Variants in ZNF831 observed in about 807,000 individuals in gnomAD.
The protein encoded by ZNF831 is zinc finger protein 831.
Under a neutral mutation model 95.8 loss-of-function variants are expected in ZNF831, and 59 were observed. The ratio of observed to expected loss-of-function variants is 0.62; its 90% CI spans 0.50 to 0.77. The LOEUF (loss-of-function observed/expected upper bound fraction) is 0.77, where lower values mean the gene tolerates loss of function less well. ZNF831 is among the 30% of genes least tolerant of loss of function. ZNF831 has a pLI of 0.00. For synonymous variants in ZNF831, 961 were observed against 925.5 expected, an observed-to-expected ratio of 1.04 and a Z score of -0.70; for missense variants, 2,205 against 2,164.0, an observed-to-expected ratio of 1.02 and a Z score of -0.38.
At chr20:59,168,803 T>C (rs907400429) in intron 1 of ZNF831, among the ~76,000 whole-genome samples, 15 of 152,224 alleles carry the variant, frequency 9.9e-5, no homozygotes, top group Non-Finnish European at 1.9e-4. Context: ...TGAATGGGTG[T>C]TGAATTTTGT....
intron 4 of ZNF831, among the ~76,000 whole-genome samples, chr20:59,218,804 C>T (rs922640034): frequency 8.6e-5 from 13 of 151,780 alleles, no homozygotes; most frequent in Admixed American, 2.0e-4. Flanking sequence ...CCTGTGGTCA[C>T]GAGTTCAAGA....
At chr20:59,207,116 T>C in intron 4 of ZNF831, 60 bp downstream of exon 4, 1 of 1,582,402 alleles carries the variant, frequency 6.3e-7, no homozygotes, top group Non-Finnish European at 8.6e-7. Flanking sequence ...GCCCAAGGCA[T>C]AGACACTGGG....
chr20:59,140,403 G>A (rs1979641453), intron 1 of ZNF831, among the ~76,000 whole-genome samples: 1 of 152,164 alleles, frequency 6.6e-6, no homozygotes, highest in South Asian at 2.1e-4. Flanking sequence ...TCCTGGTTGA[G>A]ACTGGGCCCT....
chr20:59,139,690 T>C (rs1196266711), intron 1 of ZNF831, among the ~76,000 whole-genome samples: 1 of 152,204 alleles, frequency 6.6e-6, no homozygotes, highest in Non-Finnish European at 1.5e-5. Flanking sequence ...CAAATATGTT[T>C]AGTGACATTG....
In ZNF831 at chr20:59,192,826, G is replaced by A. The variant is rs1983719942; in HGVS notation, c.1807G>A (p.Gly603Ser). 2.5e-6 allele frequency: 4 copies of A among 1,609,420 alleles called. No homozygotes were observed. ...GGCCATGGCCGGCAAGGGCAGAGCGGGCGGCAGGAAGTGCGGCCAGAGAAG... is the reference window on the plus strand; with the variant it reads ...GGCCATGGCCGGCAAGGGCAGAGCGAGCGGCAGGAAGTGCGGCCAGAGAAG... ...REAMAGKGRA[G>S]GRKCGQRRLK... The change falls in exon 2 of 6, where the codon GGC (glycine) becomes AGC (serine). Residue 603 changes from glycine to serine, a missense_variant. Transcript: ENST00000371030. This position sits in a 1 kb window ranked among gnomAD's most constrained non-coding sequence, Gnocchi z 5.2.
intron 1 of ZNF831, among the ~76,000 whole-genome samples, chr20:59,142,734 G>A (rs1427042789): frequency 6.6e-6 from 1 of 152,178 alleles, no homozygotes; most frequent in Non-Finnish European, 1.5e-5. Context: ...TTTCATTATG[G>A]TTTTTGACAG....
At chr20:59,135,502 C>T (rs556756703) in intron 1 of ZNF831, among the ~76,000 whole-genome samples, 26 of 152,248 alleles carry the variant, frequency 1.7e-4, no homozygotes, top group East Asian at 5.8e-4. Flanking sequence ...GAGGCCGAGG[C>T]GGGCAGATCA....
intron 4 of ZNF831, among the ~76,000 whole-genome samples, chr20:59,214,591 G>T (rs1247695021): frequency 2.0e-5 from 3 of 152,178 alleles, no homozygotes; most frequent in Non-Finnish European, 4.4e-5. Context: ...TATTTTCCCA[G>T]TTAGAGTCTC....
At chr20:59,160,364 G>A (rs1329703090), upstream of ZNF831, 1 of 152,330 alleles carries the variant, frequency 6.6e-6, no homozygotes, top group African/African-American at 2.4e-5. Flanking sequence ...AGGATGTGGC[G>A]AGGGGCCGTG....
chr20:59,231,329 A>G (rs1375672043), intron 4 of ZNF831, among the ~76,000 whole-genome samples: 1 of 152,214 alleles, frequency 6.6e-6, no homozygotes, highest in Non-Finnish European at 1.5e-5. Flanking sequence ...AGATCTAGAT[A>G]AGGTGAAAGT....
rs540930951 is a variant in ZNF831 at position 59,153,860 on chromosome 20, T to C, written c.-1280-5792T>C. ...TTGGAGCTGGGCTAAGAAAGAGAAATTTTCATCTACTCCTTCAAGGAGCAC... is the reference window on the plus strand; with the variant it reads ...TTGGAGCTGGGCTAAGAAAGAGAAACTTTCATCTACTCCTTCAAGGAGCAC... On this transcript the variant is annotated intron_variant, in intron 2 of 7. Coordinates refer to the ZNF831 transcript ENST00000637017. Among the ~76,000 whole-genome samples, 207 of 152,274 alleles carry C rather than the reference T, an allele frequency of 1.4e-3. 1 individual carries two copies. Among genetic ancestry groups the C allele is most frequent in the Non-Finnish European group, 2.3e-3 (157 of 68,024 alleles).
chr20:59,257,855 A>G lies in ZNF831; in HGVS notation c.*3112A>G, dbSNP rs1345277700. 2 of 152,172 alleles carry G rather than the reference A, an allele frequency of 1.3e-5. No individual in the cohort carries two copies. Among genetic ancestry groups the G allele is most frequent in the African/African-American group, 4.8e-5 (2 of 41,444 alleles). The allele number at this position is 152,172 out of a possible 1,614,324, so 9.4% of individuals were successfully genotyped here. A position where few individuals can be genotyped will look rare whatever the true frequency, so the allele number is the denominator to read the frequency against. On this transcript the variant is annotated 3_prime_UTR_variant, in exon 6 of 6. Transcript: ENST00000371030. ...TGAATTTTTTTTTGCCAATATCAAA[A>G]GTGACATTTCCCCATGATGTTCAAG... is the stretch of plus-strand genomic sequence containing the variant.
intron 4 of ZNF831, among the ~76,000 whole-genome samples, chr20:59,219,058 C>A (rs1453239662): frequency 1.3e-5 from 2 of 152,050 alleles, no homozygotes; most frequent in Non-Finnish European, 2.9e-5. Context: ...AGATGGTTCC[C>A]CCTAAAGAAG....
chr20:59,226,109 G>T (rs1986414026), intron 4 of ZNF831, among the ~76,000 whole-genome samples: 1 of 152,158 alleles, frequency 6.6e-6, no homozygotes, highest in Non-Finnish European at 1.5e-5. Context: ...CTTCTACTTG[G>T]CCAGGTGGGT....
Position 59,193,541 on chromosome 20 carries a change from C to A in ZNF831, c.2522C>A (p.Ala841Glu). The A allele has an allele frequency of 6.2e-7, 1 of 1,605,088 alleles. No homozygotes were observed. Among genetic ancestry groups the A allele is most frequent in the Non-Finnish European group, 8.5e-7 (1 of 1,176,060 alleles). The part of the protein sequence containing the change: ...HSWKQPEPVS[A>E]ETPGGPTQPA... ...TGGAAGCAACCAGAGCCTGTGAGCG[C>A]AGAGACCCCAGGTGGGCCCACGCAG... Residue 841 changes from alanine (A) to glutamate (E), a missense_variant, in exon 2 of 6, where the codon GCA becomes GAA. Ala to Glu is a moderately radical substitution (Grantham distance 107). Transcript: ENST00000371030.
chr20:59,183,575 A>G (rs1291000166), intron 1 of ZNF831, among the ~76,000 whole-genome samples: 3 of 152,188 alleles, frequency 2.0e-5, no homozygotes, highest in Non-Finnish European at 4.4e-5. Flanking sequence ...TTTATGCCCA[A>G]TTATTACAAG....
At chr20:59,127,004 T>A (rs1979193168) in intron 1 of ZNF831, among the ~76,000 whole-genome samples, 1 of 152,102 alleles carries the variant, frequency 6.6e-6, no homozygotes, top group South Asian at 2.1e-4. Context: ...ACCCAACTGG[T>A]CCCCTCACTG....
Position 59,192,196 on chromosome 20 carries a change from C to G in ZNF831, c.1177C>G (p.Arg393Gly), listed in dbSNP as rs1253977946. The part of the protein sequence containing the change: ...PGVAGAEPGA[R>G]EAGLELEKKR... ...GGTCGCAGGGGCCGAGCCCGGGGCG[C>G]GAGAAGCCGGCCTGGAGCTGGAGAA... The change falls in exon 2 of 6, where the codon CGA (arginine) becomes GGA (glycine). Residue 393 changes from arginine to glycine, a missense_variant. By Grantham distance (125) the Arg-to-Gly change is moderately radical. Transcript: ENST00000371030. This position sits in a 1 kb window ranked among gnomAD's most constrained non-coding sequence, Gnocchi z 5.2. The G allele has an allele frequency of 1.3e-6, 2 of 1,574,366 alleles. No individual in the cohort carries two copies. Among genetic ancestry groups the G allele is most frequent in the South Asian group, 1.2e-5 (1 of 86,706 alleles).
chr20:59,125,108 A>ACGT (rs1979130718), intron 1 of ZNF831, among the ~76,000 whole-genome samples: 1 of 152,210 alleles, frequency 6.6e-6, no homozygotes, highest in Non-Finnish European at 1.5e-5. Context: ...TATTAGGACT[A>ACGT]GATGTGATGC....
Sources: allele counts gnomAD v4.1 joint callset (sites outside exome capture counted in the v4.1 genomes callset), GRCh38; gene constraint gnomAD v4.1.1; non-coding constraint Gnocchi (gnomAD v3.1); transcripts MANE v1.5; gene names NCBI Gene and HGNC (gene_info 2026-07-23, HGNC 2026-07-21).